Variants in FHIT observed in about 807,000 individuals in gnomAD.
FHIT encodes bis(5'-adenosyl)-triphosphatase.
Under a neutral mutation model 17.9 loss-of-function variants are expected in FHIT, and 19 were observed. The ratio of observed to expected loss-of-function variants is 1.06; its 90% CI spans 0.74 to 1.56. FHIT has a LOEUF of 1.56. FHIT is among the 40% of genes most tolerant of loss of function. The pLI is 0.00. For synonymous variants in FHIT, 81 were observed against 69.7 expected (o/e 1.16, Z -0.81); for missense variants, 248 against 189.2 (o/e 1.31, Z -1.82).
chr3:60,054,663 C>T (rs1702011190), intron 5 of FHIT, among the ~76,000 whole-genome samples: 1 of 152,168 alleles, frequency 6.6e-6, no homozygotes, highest in Admixed American at 6.5e-5. Context: ...ATACCCAACA[C>T]AGCATTTATT....
At chr3:60,149,994 T>TA (rs1385121239) in intron 5 of FHIT, among the ~76,000 whole-genome samples, 1 of 71,078 alleles carries the variant, frequency 1.4e-5, no homozygotes, top group Non-Finnish European at 2.7e-5. Flanking sequence ...GCCTTTTTTT[T>TA]TTTTTTTTTT....
intron 5 of FHIT, among the ~76,000 whole-genome samples, chr3:60,349,207 T>G (rs992556311): frequency 1.3e-5 from 2 of 152,220 alleles, no homozygotes; most frequent in Non-Finnish European, 2.9e-5. Context: ...TAAATTTGTA[T>G]GCACAGTCTG....
At chr3:59,889,750 TAAG>T (rs1323668143) in intron 8 of FHIT, among the ~76,000 whole-genome samples, 1 of 152,178 alleles carries the variant, frequency 6.6e-6, no homozygotes, top group Non-Finnish European at 1.5e-5. Context: ...TGGTGCTCAT[TAAG>T]AAGACACTAA....
intron 5 of FHIT, among the ~76,000 whole-genome samples, chr3:60,268,677 G>A (rs1253018058): frequency 6.6e-6 from 1 of 152,198 alleles, no homozygotes; most frequent in Non-Finnish European, 1.5e-5. Context: ...CATAGTATCT[G>A]TGTTCACAGT....
intron 3 of FHIT, among the ~76,000 whole-genome samples, chr3:61,012,880 C>T (rs904217300): frequency 2.0e-5 from 3 of 151,638 alleles, no homozygotes; most frequent in African/African-American, 7.3e-5. Context: ...AAGCATATTA[C>T]ATTGATAAAA....
intron 5 of FHIT, among the ~76,000 whole-genome samples, chr3:60,490,638 T>C (rs1459563559): frequency 2.7e-5 from 4 of 150,448 alleles, no homozygotes; most frequent in Non-Finnish European, 4.4e-5. Flanking sequence ...ATTCAGGCAG[T>C]AATTTCATTA....
intron 7 of FHIT, among the ~76,000 whole-genome samples, chr3:59,938,894 G>C (rs1339622060): frequency 6.6e-6 from 1 of 152,128 alleles, no homozygotes; most frequent in Non-Finnish European, 1.5e-5. Flanking sequence ...GTTTTATGGG[G>C]ACCTCCTAAA....
At chr3:60,564,112 G>A (rs1038140609) in intron 4 of FHIT, among the ~76,000 whole-genome samples, 2 of 152,062 alleles carry the variant, frequency 1.3e-5, no homozygotes, top group Non-Finnish European at 2.9e-5. Flanking sequence ...TGGTCCTTGA[G>A]CATTCTGAAA....
rs1005561265 is a variant in FHIT at position 59,787,352 on chromosome 3, G to A, written c.349-35031C>T. Among the ~76,000 whole-genome samples, 5 of 152,058 alleles carry A rather than the reference G, an allele frequency of 3.3e-5. No individual in the cohort carries two copies. In the East Asian group the frequency reaches 9.7e-4, roughly 29 times the overall value. On this transcript the variant is annotated intron_variant, in intron 8 of 9. Transcript: ENST00000492590. ...AACTTTCATTATCTGTGGCCTTTAA[G>A]CATTATTTGTTGGTTTTCACGTACC...
chr3:61,183,013 C>T (rs534862136), intron 2 of FHIT, among the ~76,000 whole-genome samples: 26 of 152,302 alleles, frequency 1.7e-4, no homozygotes, highest in Non-Finnish European at 3.2e-4. Context: ...CAGTGCAAAA[C>T]AAATGCCAGT....
intron 3 of FHIT, among the ~76,000 whole-genome samples, chr3:60,997,808 C>T (rs1031960487): frequency 5.9e-5 from 9 of 152,170 alleles, no homozygotes; most frequent in Non-Finnish European, 1.0e-4. Flanking sequence ...AAACAAAACA[C>T]GCCTTCTCTG....
chr3:59,904,736 T>C lies in FHIT; in HGVS notation c.348+17610A>G, dbSNP rs1315583603. On this transcript the variant is annotated intron_variant, in intron 8 of 9. Transcript: ENST00000492590. ...GGGTGAGGAGGGCAGGGAAGAATTTTACTGAGTGACGAAAACAGTTTTTAG... is the reference window on the plus strand; with the variant it reads ...GGGTGAGGAGGGCAGGGAAGAATTTCACTGAGTGACGAAAACAGTTTTTAG... Among the ~76,000 whole-genome samples the C allele has an allele frequency of 3.3e-5, 5 of 152,232 alleles. No homozygotes were observed. In the East Asian group the frequency reaches 7.7e-4, roughly 23 times the overall value.
intron 4 of FHIT, among the ~76,000 whole-genome samples, chr3:60,580,108 G>T (rs2031954287): frequency 6.6e-6 from 1 of 152,122 alleles, no homozygotes. Context: ...GACAAAAACT[G>T]TATCATATGC....
At position 60,515,341 on chromosome 3, in the gene FHIT, G is replaced by A. The variant is rs115255499; in HGVS notation, c.103+21519C>T. On this transcript the variant is annotated intron_variant, in intron 5 of 9. Transcript: ENST00000492590. Reference sequence around the variant, plus strand: ...CCACTGGATGTGGTGGGAGGAGGAGGAAGGAAAATCTATACATTTACGGGA... The same window carrying A: ...CCACTGGATGTGGTGGGAGGAGGAGAAAGGAAAATCTATACATTTACGGGA... 6.4e-3 allele frequency among the ~76,000 whole-genome samples: 971 copies of A among 152,294 alleles called. 12 individuals carry two copies. The highest frequency in any genetic ancestry group is 0.022 in the African/African-American group (915 of 41,560).
chr3:59,999,497 A>T (rs1245068576), intron 7 of FHIT, among the ~76,000 whole-genome samples: 1 of 152,156 alleles, frequency 6.6e-6, no homozygotes, highest in East Asian at 1.9e-4. Flanking sequence ...TGTTTACTCA[A>T]ACTGCCAGTT....
At chr3:60,077,146 C>G (rs778706908) in intron 5 of FHIT, among the ~76,000 whole-genome samples, 95 of 152,016 alleles carry the variant, frequency 6.2e-4, no homozygotes, top group Admixed American at 2.6e-3. Context: ...TTCAAGGACT[C>G]TGAAGTATAT....
At chr3:60,205,998 T>C (rs999497877) in intron 5 of FHIT, among the ~76,000 whole-genome samples, 3 of 150,654 alleles carry the variant, frequency 2.0e-5, no homozygotes, top group Non-Finnish European at 4.4e-5. Flanking sequence ...CCGGGCGTGG[T>C]TGCAGGCACC....
At chr3:60,105,828 G>A (rs1704384068) in intron 5 of FHIT, among the ~76,000 whole-genome samples, 1 of 151,954 alleles carries the variant, frequency 6.6e-6, no homozygotes, top group Admixed American at 6.6e-5. Flanking sequence ...ATTAAAAGAA[G>A]AAAAAGAAAA....
At chr3:59,982,452 G>A (rs945732345) in intron 7 of FHIT, among the ~76,000 whole-genome samples, 5 of 152,154 alleles carry the variant, frequency 3.3e-5, no homozygotes, top group African/African-American at 1.2e-4. Context: ...TTCAAAGGCT[G>A]CAAAGCTAGC....
Sources: allele counts gnomAD v4.1 joint callset (sites outside exome capture counted in the v4.1 genomes callset), GRCh38; gene constraint gnomAD v4.1.1; transcripts MANE v1.5; gene names NCBI Gene and HGNC (gene_info 2026-07-23, HGNC 2026-07-21).